The following TEX52 variants were observed in gnomAD, a reference collection of about 807,000 sequenced individuals.
TEX52 encodes the protein testis expressed 52.
TEX52 carries 22 observed loss-of-function variants against 17.6 expected under a neutral mutation model. The observed-to-expected ratio is 1.25, with a 90% CI of 0.89 to 1.78. The LOEUF (loss-of-function observed/expected upper bound fraction) is 1.78. TEX52 is among the 40% of genes most tolerant of loss of function. The pLI is 0.00. For synonymous variants in TEX52, 168 were observed against 147.4 expected (o/e 1.14, Z -1.01); for missense variants, 396 against 372.3 (o/e 1.06, Z -0.52).
chr12:2,856,957 G>A lies in TEX52; in HGVS notation c.70C>T (p.Gln24Ter), dbSNP rs771773209. 4.3e-6 allele frequency: 3 copies of A among 703,030 alleles called. No homozygotes were observed. The highest frequency in any genetic ancestry group is 7.8e-6 in the Non-Finnish European group (3 of 384,994). 43.5% of individuals were successfully genotyped at this position (703,030 alleles called of 1,614,324 possible). A position where few individuals can be genotyped will look rare whatever the true frequency, so the allele number is the denominator to read the frequency against. ...GGCAGAGATGGGCCACCCCCTACCT[G>A]CAGGAAAGGTTCTTCCATATGAGAT... is the stretch of plus-strand genomic sequence containing the variant. ...HPSHMEEPFL[Q>*]MVQASESLPP... The change falls in exon 1 of 3, where the codon CAG (glutamine) becomes TAG (stop). Residue 24 changes from glutamine to a stop codon, truncating the protein, a stop_gained and splice_region_variant. Transcript: ENST00000637658. LOFTEE classifies it high-confidence loss of function.
chr12:2,856,774 G>T (rs1239224653), intron 1 of TEX52, among the ~76,000 whole-genome samples, 181 bp downstream of exon 1: 1 of 152,204 alleles, frequency 6.6e-6, no homozygotes, highest in Non-Finnish European at 1.5e-5. Flanking sequence ...CACTAGCCAG[G>T]CATCTCCTCT....
At chr12:2,853,302 T>A (rs528524741) in intron 2 of TEX52, among the ~76,000 whole-genome samples, 11 of 151,888 alleles carry the variant, frequency 7.2e-5, no homozygotes, top group Non-Finnish European at 1.5e-4. Context: ...TTAAACAAAG[T>A]CTCGCTCTTG....
intron 1 of TEX52, among the ~76,000 whole-genome samples, chr12:2,855,915 CA>C (rs1354580533): frequency 1.3e-5 from 2 of 152,024 alleles, no homozygotes; most frequent in African/African-American, 4.8e-5. Context: ...AAAATAGGGC[CA>C]GGGGTTTTCC....
intron 2 of TEX52, among the ~76,000 whole-genome samples, chr12:2,854,521 C>T (rs1475533546): frequency 6.6e-6 from 1 of 152,190 alleles, no homozygotes; most frequent in African/African-American, 2.4e-5. Context: ...CAGTTCTTTA[C>T]ATTAATAACT....
intron 2 of TEX52, among the ~76,000 whole-genome samples, chr12:2,851,652 GTTTTATTTTAA>G (rs567650234): frequency 4.3e-4 from 63 of 148,066 alleles, no homozygotes; most frequent in Non-Finnish European, 7.8e-4. Context: ...CGCTAAATTT[GTTTTATTTTAA>G]TTTTATTTAT....
In TEX52 at chr12:2,855,438, C is replaced by G; in HGVS notation, c.81G>C (p.Gln27His). 3 of 1,466,846 alleles carry G rather than the reference C, an allele frequency of 2.0e-6. No homozygotes were observed. The highest frequency in any genetic ancestry group is 2.7e-6 in the Non-Finnish European group (3 of 1,108,314). 90.9% of individuals were successfully genotyped at this position (1,466,846 alleles called of 1,614,324 possible). The change falls in exon 2 of 3, where the codon CAG (glutamine) becomes CAC (histidine). Residue 27 changes from glutamine to histidine, a missense_variant. By Grantham distance (24) the Gln-to-His change is conservative. Transcript: ENST00000637658. Reference sequence around the variant, plus strand: ...GGGAGGGTGGGAGGGACTCGCTGGCCTGGACCATCTAGGGAGAGACAAAAG... The same window carrying G: ...GGGAGGGTGGGAGGGACTCGCTGGCGTGGACCATCTAGGGAGAGACAAAAG... ...HMEEPFLQMV[Q>H]ASESLPPSQT...
chr12:2,850,516 A>G (rs1023631220), intron 2 of TEX52, among the ~76,000 whole-genome samples: 1 of 150,694 alleles, frequency 6.6e-6, no homozygotes, highest in Admixed American at 6.6e-5. Context: ...GGTCATGATA[A>G]TGGGCTGCCA....
At chr12:2,848,574 G>T (rs1565446302), downstream of TEX52, among the ~76,000 whole-genome samples, 1 of 152,052 alleles carries the variant, frequency 6.6e-6, no homozygotes, top group Non-Finnish European at 1.5e-5. Context: ...TTGTTCCTCT[G>T]CTGAGACCTG....
downstream of TEX52, among the ~76,000 whole-genome samples, chr12:2,848,795 A>G (rs902299707): frequency 2.6e-5 from 4 of 151,702 alleles, no homozygotes; most frequent in East Asian, 3.9e-4. Context: ...CTCATTCCCA[A>G]TGGGTTATGA....
Position 2,854,952 on chromosome 12 carries a change from T to C in TEX52, c.567A>G (p.Ala189=). The change falls in exon 2 of 3, where the codon GCA becomes GCG. Residue 189 remains alanine (A), a synonymous_variant. Transcript: ENST00000637658. ...CCTGGGCATCGAGTGGGGGTGCTCT[T>C]GCCTCACTCCTCAACTTGAGCTTCT... ...EVEKLKLRSE[A]RAPPLDAQGN... is the part of the protein sequence containing the mutation. 1.3e-6 allele frequency: 2 copies of C among 1,536,212 alleles called. No individual in the cohort carries two copies. The highest frequency in any genetic ancestry group is 1.4e-5 in the African/African-American group (1 of 73,120).
chr12:2,850,184 A>G (rs143349691), intron 2 of TEX52, among the ~76,000 whole-genome samples: 105 of 152,308 alleles, frequency 6.9e-4, no homozygotes, highest in Non-Finnish European at 1.3e-3. Flanking sequence ...ATTTGAAAAA[A>G]GAGCCCCTAG....
At position 2,854,901 on chromosome 12, in the gene TEX52, G is replaced by T; in HGVS notation, c.618C>A (p.Phe206Leu). Residue 206 changes from phenylalanine to leucine, a missense_variant, in exon 2 of 3, where the codon TTC becomes TTA. Transcript: ENST00000637658. ...AQGNIQPPAS[F>L]KKYRHISAGG... Reference sequence around the variant, plus strand: ...CTGAGGAGGCACCGTCTTACTTCTTGAAGCTCGCTGGCGGCTGGATGTTGC... The same window carrying T: ...CTGAGGAGGCACCGTCTTACTTCTTTAAGCTCGCTGGCGGCTGGATGTTGC... The T allele has an allele frequency of 6.5e-7, 1 of 1,533,984 alleles. No homozygotes were observed.
chr12:2,851,786 C>A (rs1337299062), intron 2 of TEX52, among the ~76,000 whole-genome samples: 1 of 152,214 alleles, frequency 6.6e-6, no homozygotes, highest in East Asian at 1.9e-4. Context: ...TCAAGTGATT[C>A]TCCTGCCTCA....
chr12:2,849,555 A>G (rs1224302602), intron 2 of TEX52, 30 bp from the exon 3 acceptor site: 14 of 1,535,314 alleles, frequency 9.1e-6, no homozygotes, highest in Non-Finnish European at 1.2e-5. Flanking sequence ...GAGAGAACAG[A>G]GAGATCAAAG....
intron 2 of TEX52, among the ~76,000 whole-genome samples, chr12:2,849,916 C>G (rs112874434): frequency 0.022 from 3,397 of 152,288 alleles, 118 homozygotes; most frequent in African/African-American, 0.078. Flanking sequence ...TCTCAGTAAG[C>G]CTGCGGTATT....
intron 2 of TEX52, among the ~76,000 whole-genome samples, chr12:2,851,111 C>T (rs902974836): frequency 6.7e-6 from 1 of 149,700 alleles, no homozygotes; most frequent in South Asian, 2.1e-4. Flanking sequence ...TGAGCAGTGC[C>T]GAGATCATAC....
chr12:2,852,692 A>T (rs1199268937), intron 2 of TEX52, among the ~76,000 whole-genome samples: 1 of 152,112 alleles, frequency 6.6e-6, no homozygotes, highest in Non-Finnish European at 1.5e-5. Flanking sequence ...TGTCCAGCTC[A>T]GATAGCCCAC....
intron 2 of TEX52, 27 bp downstream of exon 2, chr12:2,854,869 G>A (rs1165969021): frequency 6.6e-7 from 1 of 1,513,664 alleles, no homozygotes; most frequent in Non-Finnish European, 8.8e-7. Flanking sequence ...CAGGCTGGGT[G>A]GGCTCCCTGA....
intron 2 of TEX52, among the ~76,000 whole-genome samples, chr12:2,850,978 CTTT>C (rs35125854): frequency 3.8e-4 from 31 of 81,656 alleles, no homozygotes; most frequent in Non-Finnish European, 1.1e-4. Context: ...GGCCCAGAGT[CTTT>C]TTTTTTTTTT....
Sources: allele counts gnomAD v4.1 joint callset (sites outside exome capture counted in the v4.1 genomes callset), GRCh38; gene constraint gnomAD v4.1.1; transcripts MANE v1.5; gene names NCBI Gene and HGNC (gene_info 2026-07-23, HGNC 2026-07-21).